CCSER1: variants seen among roughly 807,000 people sequenced by gnomAD.
The protein encoded by CCSER1 is coiled-coil serine rich protein 1, also known as serine-rich coiled-coil domain-containing protein 1.
CCSER1 carries 41 observed loss-of-function variants against 82.0 expected under a neutral mutation model. That is an observed-to-expected ratio of 0.50 (90% CI 0.39 to 0.65). CCSER1 has a LOEUF of 0.65. Among genes scored for constraint, CCSER1 ranks in the 30% least tolerant of loss-of-function variants. CCSER1 has a pLI of 0.00. For synonymous variants in CCSER1, 414 were observed against 383.9 expected (o/e 1.08, Z -0.92); for missense variants, 1,119 against 1,064.2 (o/e 1.05, Z -0.72).
chr4:90,794,548 T>G (rs1445003564), intron 7 of CCSER1, among the ~76,000 whole-genome samples: 1 of 152,230 alleles, frequency 6.6e-6, no homozygotes. Context: ...AGTACCATGC[T>G]GTTTTGGTTA....
At chr4:90,238,885 T>G (rs1396748351) in intron 1 of CCSER1, among the ~76,000 whole-genome samples, 2 of 152,034 alleles carry the variant, frequency 1.3e-5, no homozygotes, top group Non-Finnish European at 2.9e-5. Flanking sequence ...GAGTCTCACT[T>G]TGTTGCCCAG....
intron 10 of CCSER1, among the ~76,000 whole-genome samples, chr4:91,274,570 A>G (rs897912316): frequency 6.6e-6 from 1 of 152,146 alleles, no homozygotes. Context: ...CATGAGTGAG[A>G]ACATGCACTA....
chr4:90,429,310 G>A (rs1757959107), intron 4 of CCSER1, among the ~76,000 whole-genome samples: 1 of 151,694 alleles, frequency 6.6e-6, no homozygotes, highest in Admixed American at 6.6e-5. Context: ...ACGACACAGA[G>A]CCATTGGTTA....
chr4:91,056,478 A>G (rs1247089871), intron 9 of CCSER1, among the ~76,000 whole-genome samples: 3 of 152,138 alleles, frequency 2.0e-5, no homozygotes, highest in African/African-American at 7.2e-5. Flanking sequence ...AGGGAAGGGC[A>G]AAAGAAACCA....
At chr4:91,545,098 A>C (rs530182712) in intron 10 of CCSER1, among the ~76,000 whole-genome samples, 1 of 152,168 alleles carries the variant, frequency 6.6e-6, no homozygotes, top group South Asian at 2.1e-4. Context: ...ACACTGAGGG[A>C]GGCTCCGTGA....
At chr4:90,372,510 G>A (rs1262250877) in intron 3 of CCSER1, among the ~76,000 whole-genome samples, 1 of 152,086 alleles carries the variant, frequency 6.6e-6, no homozygotes, top group Non-Finnish European at 1.5e-5. Flanking sequence ...AGCATTTTGG[G>A]AGGCCGAGGC....
intron 5 of CCSER1, among the ~76,000 whole-genome samples, chr4:90,566,763 C>T (rs1040516563): frequency 1.8e-4 from 27 of 152,124 alleles, no homozygotes; most frequent in Non-Finnish European, 3.1e-4. Flanking sequence ...CCACCACGCC[C>T]AGCTAATTTT....
At chr4:90,970,160 G>C (rs1734960858) in intron 9 of CCSER1, among the ~76,000 whole-genome samples, 1 of 151,688 alleles carries the variant, frequency 6.6e-6, no homozygotes, top group African/African-American at 2.4e-5. Context: ...TAGATAGAGT[G>C]GGTGAATGGA....
intron 5 of CCSER1, among the ~76,000 whole-genome samples, chr4:90,481,785 A>G (rs1766022783): frequency 6.6e-6 from 1 of 152,168 alleles, no homozygotes; most frequent in Non-Finnish European, 1.5e-5. Flanking sequence ...TATTTTATTG[A>G]GGATTTTTGC....
At position 91,599,309 on chromosome 4, in the gene CCSER1, G is replaced by T; in HGVS notation, c.*252G>T. On this transcript the variant is annotated 3_prime_UTR_variant, in exon 11 of 11. Coordinates refer to ENST00000509176, the MANE Select transcript of CCSER1 (RefSeq NM_001145065.2). ...TTACTATATAGGTGTATAATAAATG[G>T]GACCATCATGATCGTTTATATAGTC... is the stretch of plus-strand genomic sequence containing the variant. 2.7e-6 allele frequency: 1 copy of T among 363,764 alleles called. No individual in the cohort carries two copies. The highest frequency in any genetic ancestry group is 8.0e-5 in the South Asian group (1 of 12,556). 22.5% of individuals were successfully genotyped at this position (363,764 alleles called of 1,614,324 possible).
At chr4:91,159,015 T>G (rs1731105798) in intron 10 of CCSER1, among the ~76,000 whole-genome samples, 1 of 151,954 alleles carries the variant, frequency 6.6e-6, no homozygotes, top group African/African-American at 2.4e-5. Flanking sequence ...TTAAGCTTTC[T>G]ACAGTACAGC....
At chr4:90,723,588 G>A (rs1427922912) in intron 6 of CCSER1, among the ~76,000 whole-genome samples, 5 of 151,562 alleles carry the variant, frequency 3.3e-5, no homozygotes, top group Admixed American at 2.6e-4. Context: ...TACAGATACA[G>A]TTTAATTTAA....
At chr4:91,292,656 G>T (rs2149221156) in intron 10 of CCSER1, among the ~76,000 whole-genome samples, 1 of 152,110 alleles carries the variant, frequency 6.6e-6, no homozygotes, top group Non-Finnish European at 1.5e-5. Context: ...GATATGAATG[G>T]CAAGCCCTTA....
intron 1 of CCSER1, among the ~76,000 whole-genome samples, chr4:90,133,675 A>C (rs1163873564): frequency 6.6e-6 from 1 of 152,056 alleles, no homozygotes; most frequent in African/African-American, 2.4e-5. Flanking sequence ...CTCTATTTCA[A>C]TCATCACTTC....
intron 10 of CCSER1, among the ~76,000 whole-genome samples, chr4:91,420,089 T>G (rs565087095): frequency 6.6e-6 from 1 of 152,212 alleles, no homozygotes; most frequent in Non-Finnish European, 1.5e-5. Context: ...TCTGAAACTC[T>G]AAAAGTCCTA....
At chr4:90,758,725 T>C (rs937766822) in intron 7 of CCSER1, among the ~76,000 whole-genome samples, 1 of 152,150 alleles carries the variant, frequency 6.6e-6, no homozygotes, top group Non-Finnish European at 1.5e-5. Context: ...TAGGCTATTG[T>C]GTGTGATTCT....
chr4:90,505,195 G>A (rs528489973), intron 5 of CCSER1, among the ~76,000 whole-genome samples: 31 of 152,304 alleles, frequency 2.0e-4, no homozygotes, highest in Admixed American at 7.8e-4. Flanking sequence ...AGAAATGAAC[G>A]AGAAAAGGTC....
intron 10 of CCSER1, among the ~76,000 whole-genome samples, chr4:91,433,113 A>G (rs974187891): frequency 6.6e-6 from 1 of 152,198 alleles, no homozygotes; most frequent in African/African-American, 2.4e-5. Flanking sequence ...ATTACCAGTT[A>G]TAATTTTTAG....
At chr4:90,566,554 AT>A (rs1380480902) in intron 5 of CCSER1, among the ~76,000 whole-genome samples, 3 of 144,166 alleles carry the variant, frequency 2.1e-5, no homozygotes, top group Non-Finnish European at 1.5e-5. Context: ...GGCTTTATTC[AT>A]TTCTTCCAGG....
Sources: allele counts gnomAD v4.1 joint callset (sites outside exome capture counted in the v4.1 genomes callset), GRCh38; gene constraint gnomAD v4.1.1; transcripts MANE v1.5; gene names NCBI Gene and HGNC (gene_info 2026-07-23, HGNC 2026-07-21).